VTI1A: variants seen among roughly 807,000 people sequenced by gnomAD.
VTI1A encodes vesicle transport through interaction with t-SNAREs 1A.
In VTI1A, 22 loss-of-function variants were observed where a neutral mutation model predicts 34.9. The observed-to-expected ratio is 0.63, with a 90% confidence interval of 0.45 to 0.90. The LOEUF (loss-of-function observed/expected upper bound fraction) is 0.90, where lower values mean the gene tolerates loss of function less well. Among genes scored for constraint, VTI1A ranks in the 40% least tolerant of loss-of-function variants. VTI1A has a pLI of 0.00. For synonymous variants in VTI1A, 87 were observed against 97.3 expected (o/e 0.89, Z 0.62); for missense variants, 268 against 275.6 (o/e 0.97, Z 0.20).
chr10:112,833,223 T>G, the VTI1A span, among the ~76,000 whole-genome samples: 1 of 152,004 alleles, frequency 6.6e-6, no homozygotes, highest in African/African-American at 2.4e-5. Context: ...CCTCTACTCA[T>G]CAGAAAGAGT....
chr10:112,715,889 CCCCA>C (rs1337734753), intron 7 of VTI1A, among the ~76,000 whole-genome samples: 10 of 152,172 alleles, frequency 6.6e-5, no homozygotes, highest in African/African-American at 2.4e-4. Context: ...CAGTTGCTAA[CCCCA>C]GGGAAGAGAT....
At chr10:112,776,433 A>G (rs1851957748) in intron 7 of VTI1A, among the ~76,000 whole-genome samples, 1 of 152,160 alleles carries the variant, frequency 6.6e-6, no homozygotes, top group Non-Finnish European at 1.5e-5. Context: ...TCTGGGCCTT[A>G]GCACTAGGCG....
chr10:112,813,369 G>A (rs768201887), intron 7 of VTI1A, among the ~76,000 whole-genome samples: 51 of 152,230 alleles, frequency 3.4e-4, no homozygotes, highest in African/African-American at 1.0e-3. Flanking sequence ...CTGTACAAGA[G>A]ACACACTACT....
At chr10:112,795,431 CTTTTTTTTTT>C (rs35159993) in intron 7 of VTI1A, among the ~76,000 whole-genome samples, 5 of 123,990 alleles carry the variant, frequency 4.0e-5, no homozygotes, top group African/African-American at 1.5e-4. Flanking sequence ...CCCTATTACT[CTTTTTTTTTT>C]TTTTTTTTTC....
intron 5 of VTI1A, among the ~76,000 whole-genome samples, chr10:112,606,641 T>C (rs918881894): frequency 2.6e-5 from 4 of 152,210 alleles, no homozygotes; most frequent in Non-Finnish European, 4.4e-5. Context: ...TAGTACTTTC[T>C]TCATATTACA....
At chr10:112,460,488 T>C in intron 1 of VTI1A, 36 bp from the exon 2 acceptor site, 1 of 1,561,902 alleles carries the variant, frequency 6.4e-7, no homozygotes, top group Non-Finnish European at 8.7e-7. Context: ...TTTATTTGTA[T>C]CTTTAGCAAT....
chr10:112,572,852 A>T (rs993236334), intron 5 of VTI1A, among the ~76,000 whole-genome samples: 6 of 152,112 alleles, frequency 3.9e-5, no homozygotes, highest in Non-Finnish European at 7.4e-5. Context: ...CAAAAAAAAA[A>T]AAAAAAAGAA....
intron 7 of VTI1A, among the ~76,000 whole-genome samples, chr10:112,790,381 C>G (rs796639189): frequency 2.0e-5 from 3 of 152,194 alleles, no homozygotes. Flanking sequence ...CTTTCCCACT[C>G]CATAAGAGAT....
At chr10:112,508,883 G>A (rs1365258267) in intron 3 of VTI1A, among the ~76,000 whole-genome samples, 1 of 152,148 alleles carries the variant, frequency 6.6e-6, no homozygotes, top group Admixed American at 6.5e-5. Context: ...TCAAAGCAGA[G>A]AAAATCAAGC....
chr10:112,550,163 T>G (rs1020684343), intron 5 of VTI1A, among the ~76,000 whole-genome samples: 1 of 152,342 alleles, frequency 6.6e-6, no homozygotes, highest in African/African-American at 2.4e-5. Flanking sequence ...GGAGCCATTC[T>G]TACTCTCTTG....
rs528004608 is a variant in VTI1A, at chr10:112,455,899, G to A, written c.95-4625G>A. 5.9e-5 allele frequency among the ~76,000 whole-genome samples: 9 copies of A among 152,086 alleles called. No individual in the cohort carries two copies. The South Asian group carries it at 1.9e-3, about 32-fold the overall frequency. On this transcript the variant is annotated intron_variant, in intron 1 of 7. Transcript: ENST00000393077. The stretch of plus-strand genomic sequence containing the variant: ...TTATTTTTTTCGTGAAGGGAAATTT[G>A]TCATTTCAAATGGGAAGATTTGCCC...
At position 112,618,524 on chromosome 10, in the gene VTI1A, T is replaced by TATATAGAGAGAG. The variant is rs748276058; in HGVS notation, c.428-49693_428-49692insTATAGAGAGAGA. On this transcript the variant is annotated intron_variant, in intron 5 of 7. Transcript: ENST00000393077. The stretch of plus-strand genomic sequence containing the variant: ...ATATATATATATATATATATATATA[T>TATATAGAGAGAG]AGAGAGAGAGAGAGAGAGAGAGAGT... Among the ~76,000 whole-genome samples, 49 of 34,574 alleles carry TATATAGAGAGAG rather than the reference T, an allele frequency of 1.4e-3. 1 individual carries two copies. Among genetic ancestry groups the TATATAGAGAGAG allele is most frequent in the South Asian group, 1.6e-3 (1 of 614 alleles). The allele number at this position is 34,574 out of a possible 152,430, so 22.7% of individuals were successfully genotyped here. A position where few individuals can be genotyped will look rare whatever the true frequency, so the allele number is the denominator to read the frequency against.
chr10:112,578,417 A>G (rs1843789635), intron 5 of VTI1A, among the ~76,000 whole-genome samples: 1 of 152,214 alleles, frequency 6.6e-6, no homozygotes, highest in Admixed American at 6.5e-5. Flanking sequence ...ACAGTAAAGG[A>G]AAATCAGGAG....
chr10:112,507,757 G>A (rs1290430895), intron 3 of VTI1A, among the ~76,000 whole-genome samples: 1 of 152,156 alleles, frequency 6.6e-6, no homozygotes, highest in African/African-American at 2.4e-5. Flanking sequence ...AGCATTGGCT[G>A]GTTGACCCTA....
chr10:112,836,231 G>A, the VTI1A span, among the ~76,000 whole-genome samples: 1 of 152,190 alleles, frequency 6.6e-6, no homozygotes, highest in Non-Finnish European at 1.5e-5. Flanking sequence ...AAGTGCTGGG[G>A]GGTGCAAGTT....
intron 3 of VTI1A, among the ~76,000 whole-genome samples, chr10:112,499,726 T>C (rs917416282): frequency 1.3e-5 from 2 of 151,732 alleles, no homozygotes; most frequent in Non-Finnish European, 2.9e-5. Context: ...TTCTAATTAA[T>C]GTGCCATCTA....
chr10:112,798,077 G>C (rs1852737465), intron 7 of VTI1A, among the ~76,000 whole-genome samples: 1 of 152,196 alleles, frequency 6.6e-6, no homozygotes, highest in South Asian at 2.1e-4. Flanking sequence ...CTTCCTTCCA[G>C]GGAGCACAGT....
At chr10:112,471,119 A>T (rs534115044) in intron 3 of VTI1A, among the ~76,000 whole-genome samples, 110 of 152,324 alleles carry the variant, frequency 7.2e-4, no homozygotes, top group African/African-American at 2.5e-3. Flanking sequence ...TATCTCAAAA[A>T]TACACCAAAG....
At position 112,653,117 on chromosome 10, in the gene VTI1A, T is replaced by C. The variant is rs530822629; in HGVS notation, c.428-15101T>C. 2.0e-5 allele frequency among the ~76,000 whole-genome samples: 3 copies of C among 152,296 alleles called. No homozygotes were observed. The South Asian group carries it at 6.2e-4, about 32-fold the overall frequency. ...TTACTTGGTGTACGCCCTCTGTAAA[T>C]GAAGAGGATGAAGTCATGTTACGAA... On this transcript the variant is annotated intron_variant, in intron 5 of 7. Transcript: ENST00000393077.
Sources: allele counts gnomAD v4.1 joint callset (sites outside exome capture counted in the v4.1 genomes callset), GRCh38; gene constraint gnomAD v4.1.1; transcripts MANE v1.5; gene names NCBI Gene and HGNC (gene_info 2026-07-23, HGNC 2026-07-21).